The following TIMELESS variants were observed in gnomAD, a reference collection of about 807,000 sequenced individuals.
TIMELESS encodes the protein timeless circadian regulator.
A neutral mutation model predicts 164.3 loss-of-function variants in TIMELESS; 124 were observed. That is an observed-to-expected ratio of 0.75 (90% CI 0.65 to 0.88). The LOEUF (loss-of-function observed/expected upper bound fraction) is 0.88. Among genes scored for constraint, TIMELESS ranks in the 40% least tolerant of loss-of-function variants. The pLI is 0.00. For missense variants in TIMELESS, 1,422 were observed against 1,491.4 expected, an observed-to-expected ratio of 0.95 and a Z score of 0.77; for synonymous variants, 564 against 563.4, an observed-to-expected ratio of 1.00 and a Z score of -0.02.
chr12:56,419,363 A>G (rs1881377470), intron 26 of TIMELESS, among the ~76,000 whole-genome samples: 1 of 152,100 alleles, frequency 6.6e-6, no homozygotes, highest in Admixed American at 6.6e-5. Context: ...TTTTTACTTC[A>G]GGGGTTGAAA....
intron 1 of TIMELESS, among the ~76,000 whole-genome samples, chr12:56,435,204 G>A (rs541663137): frequency 7.0e-4 from 106 of 152,224 alleles, no homozygotes; most frequent in Admixed American, 2.7e-3. Flanking sequence ...CACTGCGAAT[G>A]TGTAGAGAAA....
chr12:56,437,398 A>G (rs12299614), intron 1 of TIMELESS, among the ~76,000 whole-genome samples: 83,464 of 151,546 alleles, frequency 0.55, 23,774 homozygotes, highest in African/African-American at 0.64. Flanking sequence ...TAGTACACTC[A>G]AGTTTGCAAA....
chr12:56,424,042 G>A, intron 15 of TIMELESS, 148 bp from the exon 16 acceptor site: 1 of 720,722 alleles, frequency 1.4e-6, no homozygotes, highest in South Asian at 2.0e-5. Context: ...AAAGACTCCA[G>A]GGAAAATTTT....
intron 10 of TIMELESS, among the ~76,000 whole-genome samples, chr12:56,429,753 G>A (rs1475619694): frequency 2.0e-5 from 3 of 149,180 alleles, no homozygotes; most frequent in Non-Finnish European, 3.0e-5. Flanking sequence ...CTGACCTCAA[G>A]TGATCCACTG....
chr12:56,448,612 C>A (rs1409236701), intron 1 of TIMELESS, among the ~76,000 whole-genome samples: 1 of 151,238 alleles, frequency 6.6e-6, no homozygotes, highest in African/African-American at 2.4e-5. Flanking sequence ...GCCTGTAATC[C>A]CAGCTACTCA....
At position 56,419,459 on chromosome 12, in the gene TIMELESS, A is replaced by AGTGTGTGTGTGTGT. The variant is rs10664617; in HGVS notation, c.3228+1096_3229-1101dup. ...AGAGGTCCATCAGTAAGACAGATGG[A>AGTGTGTGTGTGTGT]GTGTGTGTGTGTGTGTGTGTGTGTG... On this transcript the variant is annotated intron_variant, in intron 26 of 28. Coordinates refer to ENST00000553532, the MANE Select transcript of TIMELESS (RefSeq NM_003920.5). 3.5e-3 allele frequency among the ~76,000 whole-genome samples: 518 copies of AGTGTGTGTGTGTGT among 148,048 alleles called. 2 individuals are homozygous for AGTGTGTGTGTGTGT. Among genetic ancestry groups the AGTGTGTGTGTGTGT allele is most frequent in the East Asian group, 0.02 (99 of 4,976 alleles).
At chr12:56,426,284 T>C (rs1881675533) in intron 13 of TIMELESS, among the ~76,000 whole-genome samples, 1 of 152,098 alleles carries the variant, frequency 6.6e-6, no homozygotes. Context: ...AAAAATACCC[T>C]TTAGCAAAGT....
At position 56,424,819 on chromosome 12, in the gene TIMELESS, T is replaced by C. The variant is rs1172272065; in HGVS notation, c.1811A>G (p.Gln604Arg). 3.7e-6 allele frequency: 6 copies of C among 1,614,184 alleles called. No individual in the cohort carries two copies. Among genetic ancestry groups the C allele is most frequent in the Non-Finnish European group, 5.1e-6 (6 of 1,180,028 alleles). ...GGCCTGGCCAGCCAGGAGACAGTCTTGGATCCGTACCATAGCTTCTGCCCG... is the reference window on the plus strand; with the variant it reads ...GGCCTGGCCAGCCAGGAGACAGTCTCGGATCCGTACCATAGCTTCTGCCCG... ...EQRAEAMVRI[Q>R]DCLLAGQAPQ... Residue 604 changes from glutamine (Q) to arginine (R), a missense_variant, in exon 15 of 29, where the codon CAA becomes CGA. By Grantham distance (43) the Gln-to-Arg change is conservative (BLOSUM62 1). Transcript: ENST00000553532.
At chr12:56,445,847 T>C (rs1216034277) in intron 1 of TIMELESS, among the ~76,000 whole-genome samples, 2 of 152,222 alleles carry the variant, frequency 1.3e-5, no homozygotes, top group African/African-American at 4.8e-5. Context: ...CTTAGTTCAG[T>C]TCCTGAGTAG....
chr12:56,422,070 C>A, intron 20 of TIMELESS, 36 bp downstream of exon 20: 1 of 1,613,728 alleles, frequency 6.2e-7, no homozygotes, highest in Non-Finnish European at 8.5e-7. Context: ...TCAAGCTGCC[C>A]TCCTCATAAA....
intron 13 of TIMELESS, 52 bp from the exon 14 acceptor site, chr12:56,425,204 C>T (rs1313891494): frequency 6.5e-7 from 1 of 1,544,586 alleles, no homozygotes; most frequent in East Asian, 2.3e-5. Context: ...GAGGGCTTTC[C>T]CCATCAGTGT....
At chr12:56,424,582 T>A (rs910990240) in intron 15 of TIMELESS, among the ~76,000 whole-genome samples, 180 bp downstream of exon 15, 7 of 152,228 alleles carry the variant, frequency 4.6e-5, no homozygotes, top group African/African-American at 1.7e-4. Flanking sequence ...TATGCTTTTT[T>A]AATGTTTTTC....
chr12:56,443,191 G>A (rs1187357849), intron 1 of TIMELESS, among the ~76,000 whole-genome samples: 1 of 146,784 alleles, frequency 6.8e-6, no homozygotes, highest in African/African-American at 2.4e-5. Context: ...TCTTCTTGCA[G>A]GGAGCCTATA....
chr12:56,429,109 T>TA lies in TIMELESS; in HGVS notation c.1087-10dup. On this transcript the variant is annotated splice_polypyrimidine_tract_variant and intron_variant, in intron 10 of 28. Transcript: ENST00000553532. ...TCCCGAAGCAGGTGATCCTGACATT[T>TA]AAAAAAGAAAAAAAAAGATCACCAT... 6.2e-7 allele frequency: 1 copy of TA among 1,603,108 alleles called. No individual in the cohort carries two copies. The highest frequency in any genetic ancestry group is 1.7e-5 in the Admixed American group (1 of 57,340).
intron 26 of TIMELESS, among the ~76,000 whole-genome samples, chr12:56,419,449 A>T (rs1881380206): frequency 8.9e-6 from 1 of 112,434 alleles, no homozygotes; most frequent in African/African-American, 3.3e-5. Context: ...TCCATCAGTA[A>T]GACAGATGGA....
rs1192402644 is a variant in TIMELESS, at chr12:56,433,179, T to C, written c.430-52A>G. On this transcript the variant is annotated intron_variant, in intron 5 of 28. Transcript: ENST00000553532. Reference sequence around the variant, plus strand: ...GACTCCCTGTGGAAGGCAGGCAGTATGTACTCTGGCTGGAAGACCCAGGCA... The same window carrying C: ...GACTCCCTGTGGAAGGCAGGCAGTACGTACTCTGGCTGGAAGACCCAGGCA... 3.2e-6 allele frequency: 5 copies of C among 1,573,906 alleles called. No homozygotes were observed. The East Asian group carries it at 8.9e-5, about 28-fold the overall frequency.
In TIMELESS at chr12:56,430,958, A is replaced by G. The variant is rs1412686977; in HGVS notation, c.832T>C (p.Phe278Leu). 1.3e-6 allele frequency: 2 copies of G among 1,580,504 alleles called. No individual in the cohort carries two copies. Among genetic ancestry groups the G allele is most frequent in the African/African-American group, 1.4e-5 (1 of 72,420 alleles). Residue 278 changes from phenylalanine to leucine, a missense_variant, in exon 9 of 29, where the codon TTT (phenylalanine) becomes CTT (leucine). Physicochemically the swap from Phe to Leu is conservative, Grantham distance 22. Coordinates refer to ENST00000553532, the MANE Select transcript of TIMELESS (RefSeq NM_003920.5). ...CCCTGGACAATATAGGAGCCCCCAA[A>G]TCGAGAATGCCTGCAGAAACAAAAA... ...ALQRGNRHSR[F>L]GGSYIVQGLK...
chr12:56,418,317 G>A lies in TIMELESS; in HGVS notation c.3271C>T (p.Leu1091Phe). Residue 1091 changes from leucine (L) to phenylalanine (F), a missense_variant, in exon 27 of 29, where the codon CTC (leucine) becomes TTC (phenylalanine). Leu to Phe is a conservative substitution (Grantham distance 22). Transcript: ENST00000553532. ...CTCAAAGAAGCTGCTGCCCTCCGGA[G>A]CTGGGTAGGACTCAGCTTGGCTGGA... Reference protein sequence around the residue: ...RIPAKLSPTQLRRAAASLSQP... With the variant: ...RIPAKLSPTQFRRAAASLSQP... The A allele has an allele frequency of 6.2e-7, 1 of 1,614,038 alleles. No individual in the cohort carries two copies. The highest frequency in any genetic ancestry group is 8.5e-7 in the Non-Finnish European group (1 of 1,180,014).
chr12:56,441,692 T>A (rs1295097365), intron 1 of TIMELESS, among the ~76,000 whole-genome samples: 1 of 147,144 alleles, frequency 6.8e-6, no homozygotes, highest in Non-Finnish European at 1.5e-5. Context: ...CCTCTCCATC[T>A]GTCAGACTCT....
Sources: allele counts gnomAD v4.1 joint callset (sites outside exome capture counted in the v4.1 genomes callset), GRCh38; gene constraint gnomAD v4.1.1; transcripts MANE v1.5; gene names NCBI Gene and HGNC (gene_info 2026-07-23, HGNC 2026-07-21).